GABRQ: variants seen among roughly 807,000 people sequenced by gnomAD.
GABRQ encodes the protein gamma-aminobutyric acid receptor subunit theta.
In GABRQ, 19 loss-of-function variants were observed where a neutral mutation model predicts 30.5. The ratio of observed to expected loss-of-function variants is 0.62; its 90% CI spans 0.43 to 0.91. GABRQ has a LOEUF of 0.91. GABRQ is among the 40% of genes least tolerant of loss of function. GABRQ has a pLI of 0.00. For missense variants in GABRQ, 520 were observed against 521.4 expected, an observed-to-expected ratio of 1.00 and a Z score of 0.03; for synonymous variants, 187 against 210.2, an observed-to-expected ratio of 0.89 and a Z score of 0.95.
rs782065026 is a variant in GABRQ, at chrX:152,652,887, A to T, written c.1505A>T (p.Glu502Val). The T allele has an allele frequency of 8.3e-7, 1 of 1,211,898 alleles. No individual in the cohort carries two copies. Among genetic ancestry groups the T allele is most frequent in the East Asian group, 3.0e-5 (1 of 33,849 alleles). Reference protein sequence around the residue: ...GVTHDHEDSNESLSSDERHGH... With the variant: ...GVTHDHEDSNVSLSSDERHGH... ...ACCCATGACCATGAAGATTCCAATG[A>T]GAGCTTGAGCTCGGATGAGCGCCAT... Residue 502 changes from glutamate to valine, a missense_variant, in exon 9 of 9, where the codon GAG becomes GTG. Physicochemically the swap from Glu to Val is moderately radical, Grantham distance 121. Coordinates refer to ENST00000598523, the MANE Select transcript of GABRQ (RefSeq NM_018558.4).
intron 2 of GABRQ, among the ~76,000 whole-genome samples, chrX:152,641,577 C>G (rs1381097357): frequency 7.1e-5 from 8 of 112,208 alleles, no homozygotes; most frequent in African/African-American, 2.3e-4. Flanking sequence ...TGAACTGGTG[C>G]TTCCCCTTAG....
intron 4 of GABRQ, among the ~76,000 whole-genome samples, chrX:152,648,242 G>C (rs139031889): frequency 0.11 from 12,344 of 111,265 alleles, 620 homozygotes; most frequent in Non-Finnish European, 0.16. Flanking sequence ...ATAAGGGATG[G>C]AGCAGAGCCT....
At chrX:152,649,449 C>G (rs4478723) in intron 5 of GABRQ, 116 bp downstream of exon 5, 67,121 of 510,097 alleles carry the variant, frequency 0.13, 3,509 homozygotes, top group Non-Finnish European at 0.16. Context: ...CTCCCTCCCC[C>G]CATTCTCTCT....
chrX:152,653,101 C>T lies in GABRQ; in HGVS notation c.1719C>T (p.Asp573=). The change falls in exon 9 of 9, where the codon GAC becomes GAT. Residue 573 remains aspartate, a synonymous_variant. Transcript: ENST00000598523. The stretch of plus-strand genomic sequence containing the variant: ...TCATGGCCCATGGCCAAGAGAAGGA[C>T]AGTAGCTCAGAGTCTGAGGATAGTT... ...DELMAHGQEK[D]SSSESEDSCP... is the part of the protein sequence containing the mutation. 3 of 1,210,474 alleles carry T rather than the reference C, an allele frequency of 2.5e-6. No individual in the cohort carries two copies. The highest frequency in any genetic ancestry group is 2.2e-6 in the Non-Finnish European group (2 of 894,079).
In GABRQ at chrX:152,656,994, G is replaced by T. The variant is rs1440628706; in HGVS notation, c.*3713G>T. 2 of 111,764 alleles carry T rather than the reference G, an allele frequency of 1.8e-5. No homozygotes were observed. The highest frequency in any genetic ancestry group is 6.5e-5 in the African/African-American group (2 of 30,689). The allele number at this position is 111,764 out of a possible 1,213,427, so 9.2% of individuals were successfully genotyped here. On this transcript the variant is annotated 3_prime_UTR_variant, in exon 9 of 9. Coordinates refer to ENST00000598523, the MANE Select transcript of GABRQ (RefSeq NM_018558.4). ...TCTCTCTTTGATAAACTTAAATTAT[G>T]AAATAGCCCAGTTGTTCAGGGTCAC...
At chrX:152,643,354 T>C (rs782709265) in intron 2 of GABRQ, among the ~76,000 whole-genome samples, 1 of 112,551 alleles carries the variant, frequency 8.9e-6, no homozygotes, top group Non-Finnish European at 1.9e-5. Context: ...AGCTTTCCTT[T>C]GTGAAGCTTT....
Position 152,647,045 on chromosome X carries a change from A to C in GABRQ, c.404A>C (p.His135Pro). ...TLNLTLDYRM[H>P]EKLWVPDCYF... ...AACTTGACCCTGGACTATCGGATGC[A>C]TGAGAAGTTGTGGGTCCCTGACTGC... The change falls in exon 4 of 9, where the codon CAT (histidine) becomes CCT (proline). Residue 135 changes from histidine to proline, a missense_variant. His to Pro is a moderately conservative substitution (Grantham distance 77). Coordinates refer to ENST00000598523, the MANE Select transcript of GABRQ (RefSeq NM_018558.4). 3 of 1,205,079 alleles carry C rather than the reference A, an allele frequency of 2.5e-6. No individual in the cohort carries two copies. Among genetic ancestry groups the C allele is most frequent in the Non-Finnish European group, 3.4e-6 (3 of 889,215 alleles).
At position 152,653,076 on chromosome X, in the gene GABRQ, T is replaced by C. The variant is rs782780265; in HGVS notation, c.1694T>C (p.Leu565Pro). ...ACCTGGGGCCTTAATGATGATGAGC[T>C]CATGGCCCATGGCCAAGAGAAGGAC... ...NSTWGLNDDE[L>P]MAHGQEKDSS... The change falls in exon 9 of 9, where the codon CTC (leucine) becomes CCC (proline). Residue 565 changes from leucine (L) to proline (P), a missense_variant. Physicochemically the swap from Leu to Pro is moderately conservative, Grantham distance 98. Coordinates refer to ENST00000598523, the MANE Select transcript of GABRQ (RefSeq NM_018558.4). 8.3e-7 allele frequency: 1 copy of C among 1,206,957 alleles called. No homozygotes were observed. Among genetic ancestry groups the C allele is most frequent in the Admixed American group, 2.2e-5 (1 of 45,911 alleles).
In GABRQ at chrX:152,638,248, A is replaced by T; in HGVS notation, c.46A>T (p.Ile16Phe). ...GCGAGCCGCAGTGATCCTGCTGCTC[A>T]TCAGGACCTGGCTCGCGGAGGGCAA... Reference protein sequence around the residue: ...MLRAAVILLLIRTWLAEGNYP... With the variant: ...MLRAAVILLLFRTWLAEGNYP... The change falls in exon 1 of 9, where the codon ATC (isoleucine) becomes TTC (phenylalanine). Residue 16 changes from isoleucine (I) to phenylalanine (F), a missense_variant. By Grantham distance (21) the Ile-to-Phe change is conservative. Transcript: ENST00000598523. The T allele has an allele frequency of 8.3e-7, 1 of 1,209,915 alleles. No individual in the cohort carries two copies. The highest frequency in any genetic ancestry group is 1.1e-6 in the Non-Finnish European group (1 of 894,104).
Sources: gnomAD v4.1 joint callset for allele counts (sites outside exome capture counted in the v4.1 genomes callset) on GRCh38, gnomAD v4.1.1 for gene constraint, MANE v1.5 for transcripts, NCBI Gene and HGNC (gene_info 2026-07-23, HGNC 2026-07-21) for gene names.